ITSN2: variants seen among roughly 807,000 people sequenced by gnomAD.
The protein encoded by ITSN2 is intersectin 2, also known as intersectin-2.
A neutral mutation model predicts 243.7 loss-of-function variants in ITSN2; 156 were observed. The ratio of observed to expected loss-of-function variants is 0.64; its 90% CI spans 0.56 to 0.73. The LOEUF is 0.73. Ranked by LOEUF, ITSN2 falls within the 30% of genes least tolerant of loss-of-function variation. ITSN2 has a pLI of 0.00. For synonymous variants in ITSN2, 703 were observed against 699.9 expected (o/e 1.00, Z -0.07); for missense variants, 1,801 against 1,996.1 (o/e 0.90, Z 1.86).
chr2:24,254,510 G>A (rs1031620978), intron 23 of ITSN2, 79 bp from the exon 24 acceptor site: 1 of 1,096,944 alleles, frequency 9.1e-7, no homozygotes, highest in Non-Finnish European at 1.4e-6. Context: ...ATGCACAGCA[G>A]GTTTTAGTAG....
At position 24,204,740 on chromosome 2, in the gene ITSN2, A is replaced by C; in HGVS notation, c.4763-322T>G. 1 of 524,886 alleles carries C rather than the reference A, an allele frequency of 1.9e-6. No individual in the cohort carries two copies. Among genetic ancestry groups the C allele is most frequent in the South Asian group, 1.5e-5 (1 of 65,188 alleles). 32.5% of individuals were successfully genotyped at this position (524,886 alleles called of 1,614,324 possible). A position where few individuals can be genotyped will look rare whatever the true frequency, so the allele number is the denominator to read the frequency against. On this transcript the variant is annotated intron_variant, in intron 38 of 39. Transcript: ENST00000355123. This position sits in a 1 kb window ranked among gnomAD's most constrained non-coding sequence, Gnocchi z 5.1. ...CACACTCGGGAAGGCGGGCACTGGC[A>C]CTTACTGGGAAAACAGTGATAAGAA...
intron 20 of ITSN2, among the ~76,000 whole-genome samples, chr2:24,267,381 T>TTA (rs1553364717): frequency 7.2e-6 from 1 of 139,592 alleles, no homozygotes; most frequent in East Asian, 2.1e-4. Context: ...ACTTAAAGTA[T>TTA]AAAAAAAAAA....
At chr2:24,290,732 A>G (rs1558563044) in intron 15 of ITSN2, among the ~76,000 whole-genome samples, 1 of 152,100 alleles carries the variant, frequency 6.6e-6, no homozygotes, top group Non-Finnish European at 1.5e-5. Context: ...TCCTTTCCCC[A>G]CTGATGTTAA....
intron 19 of ITSN2, 66 bp from the exon 20 acceptor site, chr2:24,270,834 A>G (rs1370654180): frequency 2.4e-6 from 2 of 837,972 alleles, no homozygotes; most frequent in East Asian, 2.5e-5. Flanking sequence ...GACTCAATAA[A>G]GAGCTCTAAA....
intron 29 of ITSN2, among the ~76,000 whole-genome samples, chr2:24,244,075 G>A (rs747250269): frequency 3.9e-5 from 6 of 152,174 alleles, no homozygotes; most frequent in Non-Finnish European, 7.3e-5. Flanking sequence ...AATAGCAGAC[G>A]AAGCATTTTC....
chr2:24,242,372 A>G (rs2151264557), intron 29 of ITSN2, among the ~76,000 whole-genome samples: 1 of 152,288 alleles, frequency 6.6e-6, no homozygotes, highest in East Asian at 1.9e-4. Context: ...AATAATACTT[A>G]AAAGGGCCAA....
chr2:24,304,060 C>A (rs1357932752), intron 8 of ITSN2, among the ~76,000 whole-genome samples, 198 bp from the exon 9 acceptor site: 2 of 152,186 alleles, frequency 1.3e-5, no homozygotes, highest in African/African-American at 4.8e-5. Context: ...AATTTTAAAT[C>A]TAGAATTAGC....
intron 4 of ITSN2, 143 bp downstream of exon 4, chr2:24,313,317 C>G: frequency 1.8e-6 from 1 of 566,952 alleles, no homozygotes; most frequent in East Asian, 3.3e-5. Flanking sequence ...TCAAGCAATC[C>G]TCCTACCTCA....
chr2:24,246,724 G>A, intron 28 of ITSN2, 73 bp downstream of exon 28: 5 of 859,982 alleles, frequency 5.8e-6, no homozygotes, highest in South Asian at 4.4e-5. Context: ...TCCAAAGATT[G>A]AGCTAATCTA....
chr2:24,332,139 GGCTGCGGCAGGAGAATC>G lies in ITSN2; in HGVS notation c.-33-4041_-33-4025del, dbSNP rs1312911607. Among the ~76,000 whole-genome samples the G allele has an allele frequency of 2.6e-5, 4 of 152,196 alleles. No individual in the cohort carries two copies. The East Asian group carries it at 7.7e-4, about 29-fold the overall frequency. ...TGCCTGTAATCCCAGCTACTTGGGT[GGCTGCGGCAGGAGAATC>G]GCTTGAACCCAGGAGGTGGAGGTTG... is the stretch of plus-strand genomic sequence containing the variant. On this transcript the variant is annotated intron_variant, in intron 1 of 39. Transcript: ENST00000355123.
At chr2:24,349,719 CTAAG>C (rs1687864047) in intron 1 of ITSN2, among the ~76,000 whole-genome samples, 1 of 152,262 alleles carries the variant, frequency 6.6e-6, no homozygotes, top group East Asian at 1.9e-4. Context: ...CATCACCCAC[CTAAG>C]TAAGACAAGA....
chr2:24,286,322 AT>A lies in ITSN2; in HGVS notation c.1752del (p.Lys584AsnfsTer3). ...TGGCATAATTCTTCCTTTTCTAATG[AT>A]TTTTTATGAAGTAAACTGACCCCTG... Reference protein sequence around the residue: ...PDSGVSLLHKKSLEKEELCQR... With the variant: ...PDSGVSLLHKXSLEKEELCQR... On this transcript the variant is annotated frameshift_variant, in exon 16 of 40. Coordinates refer to ENST00000355123, the MANE Select transcript of ITSN2 (RefSeq NM_006277.3). LOFTEE classifies it high-confidence loss of function. 3 of 1,611,464 alleles carry A rather than the reference AT, an allele frequency of 1.9e-6. No homozygotes were observed. The highest frequency in any genetic ancestry group is 2.5e-6 in the Non-Finnish European group (3 of 1,178,212).
At position 24,301,157 on chromosome 2, in the gene ITSN2, G is replaced by A; in HGVS notation, c.1078C>T (p.Pro360Ser). Reference protein sequence around the residue: ...MQEEEPQKKLPVTFEDKRKAN... With the variant: ...MQEEEPQKKLSVTFEDKRKAN... ...CAACTTTGACACTCAGTGATACCTG[G>A]TAATTTCTTCTGAGGCTCCTCTTCT... Residue 360 changes from proline to serine, a missense_variant, in exon 11 of 40, where the codon CCA (proline) becomes TCA (serine). By Grantham distance (74) the Pro-to-Ser change is moderately conservative. This residue lies in a region of ITSN2 where 787 missense variants were observed against 803.9 expected (regional missense o/e 0.98). Coordinates refer to ENST00000355123, the MANE Select transcript of ITSN2 (RefSeq NM_006277.3). The A allele has an allele frequency of 6.3e-7, 1 of 1,578,840 alleles. No individual in the cohort carries two copies. Among genetic ancestry groups the A allele is most frequent in the Non-Finnish European group, 8.7e-7 (1 of 1,150,970 alleles).
At chr2:24,356,269 C>A (rs1486248384) in intron 1 of ITSN2, among the ~76,000 whole-genome samples, 1 of 149,740 alleles carries the variant, frequency 6.7e-6, no homozygotes, top group Non-Finnish European at 1.5e-5. Context: ...GGAGGTGAAC[C>A]TGGTAGGCAG....
At chr2:24,208,003 G>A (rs868043801) in intron 37 of ITSN2, among the ~76,000 whole-genome samples, 97 of 152,142 alleles carry the variant, frequency 6.4e-4, no homozygotes, top group African/African-American at 2.2e-3. Context: ...GGGGATAGAG[G>A]TGGTGCAGAG....
intron 17 of ITSN2, among the ~76,000 whole-genome samples, chr2:24,283,869 T>C (rs2151541849): frequency 6.6e-6 from 1 of 152,364 alleles, no homozygotes; most frequent in South Asian, 2.1e-4. Flanking sequence ...GTTTAGTTTC[T>C]ATGCAATCCG....
chr2:24,234,017 C>G (rs528613850), intron 29 of ITSN2, among the ~76,000 whole-genome samples: 1 of 151,890 alleles, frequency 6.6e-6, no homozygotes, highest in Admixed American at 6.6e-5. Flanking sequence ...CCAGAATAGC[C>G]AACAAAAAAA....
At chr2:24,275,123 G>A (rs1303161707) in intron 18 of ITSN2, among the ~76,000 whole-genome samples, 2 of 152,210 alleles carry the variant, frequency 1.3e-5, no homozygotes, top group African/African-American at 4.8e-5. Flanking sequence ...CTGCTTTTAT[G>A]ATCTTTCAGG....
At chr2:24,284,176 T>C (rs1033991780) in intron 17 of ITSN2, among the ~76,000 whole-genome samples, 3 of 152,254 alleles carry the variant, frequency 2.0e-5, no homozygotes, top group African/African-American at 7.2e-5. Flanking sequence ...TTTAATAATC[T>C]ACGTTATACA....
Sources: gnomAD v4.1 joint callset for allele counts (sites outside exome capture counted in the v4.1 genomes callset) on GRCh38, gnomAD v4.1.1 for gene constraint, gnomAD v4.1.1 regional missense constraint, Gnocchi (gnomAD v3.1) non-coding constraint, MANE v1.5 for transcripts, NCBI Gene and HGNC (gene_info 2026-07-23, HGNC 2026-07-21) for gene names.